The following CDK15 variants were observed in gnomAD, a reference collection of about 807,000 sequenced individuals.
The protein encoded by CDK15 is cyclin dependent kinase 15.
Under a neutral mutation model 60.3 loss-of-function variants are expected in CDK15, and 62 were observed. The ratio of observed to expected loss-of-function variants is 1.03; its 90% CI spans 0.84 to 1.27. CDK15 has a LOEUF of 1.27. Among genes scored for constraint, CDK15 ranks in the 50% most tolerant of loss-of-function variants. The pLI, the probability that CDK15 is intolerant of heterozygous loss-of-function variation, is 0.00. For synonymous variants in CDK15, 194 were observed against 195.7 expected, an observed-to-expected ratio of 0.99 and a Z score of 0.07; for missense variants, 541 against 527.8, an observed-to-expected ratio of 1.03 and a Z score of -0.25.
chr2:201,828,812 T>A (rs535171209), intron 6 of CDK15, among the ~76,000 whole-genome samples: 11 of 152,306 alleles, frequency 7.2e-5, no homozygotes, highest in African/African-American at 2.6e-4. Context: ...GGGTTTTGCA[T>A]AGGCTTCATT....
At chr2:201,866,170 G>A (rs563539639) in intron 10 of CDK15, among the ~76,000 whole-genome samples, 12 of 152,000 alleles carry the variant, frequency 7.9e-5, no homozygotes, top group African/African-American at 2.4e-4. Flanking sequence ...TTAAATATAC[G>A]GTATCTCAAG....
chr2:201,884,946 C>T (rs1009659762), intron 12 of CDK15, among the ~76,000 whole-genome samples: 62 of 152,240 alleles, frequency 4.1e-4, no homozygotes, highest in African/African-American at 1.4e-3. Context: ...AAATAAAGTG[C>T]TCTAAGTGTT....
intron 10 of CDK15, among the ~76,000 whole-genome samples, chr2:201,867,849 G>A (rs1457636144): frequency 6.6e-6 from 1 of 152,104 alleles, no homozygotes; most frequent in Non-Finnish European, 1.5e-5. Flanking sequence ...CCTACGACTG[G>A]CCACGTGCTT....
intron 11 of CDK15, among the ~76,000 whole-genome samples, chr2:201,879,692 G>T (rs1017416771): frequency 2.0e-5 from 3 of 152,114 alleles, no homozygotes; most frequent in Admixed American, 2.0e-4. Flanking sequence ...GGGCTGCAGT[G>T]TTCCTCCAAA....
At chr2:201,885,730 T>C (rs1176944704) in intron 12 of CDK15, among the ~76,000 whole-genome samples, 1 of 152,224 alleles carries the variant, frequency 6.6e-6, no homozygotes, top group African/African-American at 2.4e-5. Flanking sequence ...AAAAGAGTTA[T>C]TTATAAAGGA....
intron 4 of CDK15, among the ~76,000 whole-genome samples, chr2:201,813,106 G>A (rs1017909912): frequency 1.3e-5 from 2 of 152,146 alleles, no homozygotes; most frequent in Non-Finnish European, 2.9e-5. Flanking sequence ...TGTTGGGTAG[G>A]TTACTTTAGC....
At chr2:201,830,527 T>C (rs895706802) in intron 6 of CDK15, among the ~76,000 whole-genome samples, 2 of 152,086 alleles carry the variant, frequency 1.3e-5, no homozygotes, top group Non-Finnish European at 2.9e-5. Context: ...GACAAACAGT[T>C]CCATACAATG....
chr2:201,807,166 A>T (rs1469850539), intron 1 of CDK15, among the ~76,000 whole-genome samples: 1 of 152,160 alleles, frequency 6.6e-6, no homozygotes, highest in Admixed American at 6.5e-5. Flanking sequence ...GCCATAGATT[A>T]TTCCCCTACA....
rs56016931 is a variant in CDK15, at chr2:201,836,176, A to ATTT, written c.851+415_851+416insTTT. On this transcript the variant is annotated intron_variant, in intron 8 of 13. Transcript: ENST00000652192. ...ATTTTATATATTTATATATTTATAT[A>ATTT]TTATATATATTTTTTTATATATATA... 8.2e-4 allele frequency among the ~76,000 whole-genome samples: 83 copies of ATTT among 100,964 alleles called. 1 individual carries two copies. The highest frequency in any genetic ancestry group is 5.6e-3 in the South Asian group (21 of 3,764). 66.2% of individuals were successfully genotyped at this position (100,964 alleles called of 152,430 possible).
At chr2:201,888,961 C>T (rs1699551937) in intron 12 of CDK15, 1 of 986,382 alleles carries the variant, frequency 1.0e-6, no homozygotes, top group Non-Finnish European at 1.2e-6. Flanking sequence ...AAGTAGAATA[C>T]AAAATTGCAT....
intron 6 of CDK15, 129 bp from the exon 7 acceptor site, chr2:201,833,719 T>TTCTTC (rs1559124099): frequency 7.4e-4 from 257 of 349,454 alleles, no homozygotes; most frequent in East Asian, 3.2e-3. Flanking sequence ...TCTTCTTCTT[T>TTCTTC]TTTTTTTTTT....
At chr2:201,847,951 C>T (rs148345792) in intron 9 of CDK15, among the ~76,000 whole-genome samples, 3 of 152,150 alleles carry the variant, frequency 2.0e-5, no homozygotes, top group Admixed American at 6.5e-5. Context: ...GGCAACATGG[C>T]GAAACCCCAT....
chr2:201,885,417 T>C (rs777482844), intron 12 of CDK15, among the ~76,000 whole-genome samples: 13 of 151,938 alleles, frequency 8.6e-5, no homozygotes, highest in Non-Finnish European at 1.5e-4. Flanking sequence ...CTTCTAGGAG[T>C]TTGTAACGTA....
intron 11 of CDK15, among the ~76,000 whole-genome samples, chr2:201,872,716 C>G (rs539384009): frequency 1.3e-5 from 2 of 152,240 alleles, no homozygotes; most frequent in East Asian, 1.9e-4. Flanking sequence ...CAGGCCCTCT[C>G]TACGCAGTCT....
At chr2:201,864,473 A>G (rs889093309) in intron 10 of CDK15, among the ~76,000 whole-genome samples, 1 of 152,146 alleles carries the variant, frequency 6.6e-6, no homozygotes, top group Non-Finnish European at 1.5e-5. Flanking sequence ...GTGCGGCCCC[A>G]TGCCCAGTTA....
rs1258483702 is a variant in CDK15 at position 201,893,599 on chromosome 2, G to C, written c.*332G>C. On this transcript the variant is annotated 3_prime_UTR_variant, in exon 14 of 14. Transcript: ENST00000652192. ...CATTTGTTAAGAGATTCCTGGGCTA[G>C]AAGGTTGATTTCCCAAAAAGACAGA... 6.6e-6 allele frequency: 1 copy of C among 152,174 alleles called. No individual in the cohort carries two copies. Among genetic ancestry groups the C allele is most frequent in the Non-Finnish European group, 1.5e-5 (1 of 68,026 alleles). 9.4% of individuals were successfully genotyped at this position (152,174 alleles called of 1,614,324 possible). A position where few individuals can be genotyped will look rare whatever the true frequency, so the allele number is the denominator to read the frequency against.
At chr2:201,816,707 G>A (rs951801659) in intron 4 of CDK15, among the ~76,000 whole-genome samples, 1 of 151,950 alleles carries the variant, frequency 6.6e-6, no homozygotes, top group Non-Finnish European at 1.5e-5. Context: ...TTTTGAGGCA[G>A]GAGATGGGAC....
At chr2:201,874,053 C>CAAAA (rs61612545) in intron 11 of CDK15, among the ~76,000 whole-genome samples, 1 of 114,008 alleles carries the variant, frequency 8.8e-6, no homozygotes, top group African/African-American at 4.1e-5. Flanking sequence ...GACTCCGTCT[C>CAAAA]AAAAAAAAAA....
At chr2:201,813,530 G>T (rs762694480) in intron 4 of CDK15, among the ~76,000 whole-genome samples, 4 of 152,180 alleles carry the variant, frequency 2.6e-5, no homozygotes, top group Non-Finnish European at 5.9e-5. Context: ...GCTATATGCA[G>T]AGTATGCTGC....
Sources: gnomAD v4.1 joint callset for allele counts (sites outside exome capture counted in the v4.1 genomes callset) on GRCh38, gnomAD v4.1.1 for gene constraint, MANE v1.5 for transcripts, NCBI Gene and HGNC (gene_info 2026-07-23, HGNC 2026-07-21) for gene names.